The following LRP1 variants were observed in gnomAD, a reference collection of about 807,000 sequenced individuals.
The protein encoded by LRP1 is prolow-density lipoprotein receptor-related protein 1.
In LRP1, 51 loss-of-function variants were observed where a neutral mutation model predicts 541.5. The observed-to-expected ratio is 0.09, with a 90% CI of 0.08 to 0.12. LRP1 has a LOEUF of 0.12. LRP1 is among the 10% of genes least tolerant of loss of function. The pLI is 1.00. For missense variants in LRP1, 3,878 were observed against 6,376.2 expected, an observed-to-expected ratio of 0.61 and a Z score of 13.34; for synonymous variants, 2,219 against 2,470.8, an observed-to-expected ratio of 0.90 and a Z score of 3.02.
At position 57,181,174 on chromosome 12, in the gene LRP1, C is replaced by A. The variant is rs1302895521; in HGVS notation, c.5545C>A (p.Pro1849Thr). The change falls in exon 34 of 89, where the codon CCC becomes ACC. Residue 1849 changes from proline to threonine, a missense_variant. By Grantham distance (38) the Pro-to-Thr change is conservative (BLOSUM62 -1). This residue lies in a region of LRP1 where 394 missense variants were observed against 635.9 expected (regional missense o/e 0.62). Coordinates refer to ENST00000243077, the MANE Select transcript of LRP1 (RefSeq NM_002332.3). ...SIQLDHKGTNPCSVNNGDCSQ... is the reference protein window; with the variant it reads ...SIQLDHKGTNTCSVNNGDCSQ... ...GCCCCCAGACCATAAGGGCACCAAC[C>A]CCTGCAGTGTCAACAACGGTGACTG... is the stretch of plus-strand genomic sequence containing the variant. 2.5e-6 allele frequency: 4 copies of A among 1,613,664 alleles called. No individual in the cohort carries two copies. The South Asian group carries it at 4.4e-5, about 18-fold the overall frequency.
intron 58 of LRP1, 79 bp from the exon 59 acceptor site, chr12:57,198,077 G>A (rs2036573960): frequency 1.6e-6 from 2 of 1,271,178 alleles, no homozygotes; most frequent in Non-Finnish European, 2.2e-6. Flanking sequence ...TTTACACGAG[G>A]GGAGGCTGAG....
chr12:57,130,929 A>T (rs1165377712), intron 1 of LRP1, among the ~76,000 whole-genome samples: 1 of 152,016 alleles, frequency 6.6e-6, no homozygotes, highest in South Asian at 2.1e-4. Flanking sequence ...ACACACACCA[A>T]TATTTCTGCC....
In LRP1 at chr12:57,177,013, T is replaced by C. The variant is rs781644337; in HGVS notation, c.3992-28T>C. On this transcript the variant is annotated intron_variant, in intron 24 of 88. Coordinates refer to ENST00000243077, the MANE Select transcript of LRP1 (RefSeq NM_002332.3). This position sits in a 1 kb window ranked among gnomAD's most constrained non-coding sequence, Gnocchi z 6.8. Reference sequence around the variant, plus strand: ...TCATGCACAGCTCCCCAGGAGACGCTAACCTTTCACTGCCCTCTCTTCTCC... The same window carrying C: ...TCATGCACAGCTCCCCAGGAGACGCCAACCTTTCACTGCCCTCTCTTCTCC... 1 of 1,600,314 alleles carries C rather than the reference T, an allele frequency of 6.2e-7. No individual in the cohort carries two copies. Among genetic ancestry groups the C allele is most frequent in the Non-Finnish European group, 8.6e-7 (1 of 1,168,740 alleles).
At position 57,197,133 on chromosome 12, in the gene LRP1, G is replaced by T. The variant is rs777852140; in HGVS notation, c.9044G>T (p.Gly3015Val). 1.9e-6 allele frequency: 3 copies of T among 1,613,914 alleles called. No individual in the cohort carries two copies. The African/African-American group carries it at 4.0e-5, about 22-fold the overall frequency. Residue 3015 changes from glycine (G) to valine (V), a missense_variant, in exon 56 of 89, where the codon GGC becomes GTC. Physicochemically the swap from Gly to Val is moderately radical, Grantham distance 109. This residue lies in a region of LRP1 where 1,100 missense variants were observed against 1,827.4 expected (regional missense o/e 0.60). Transcript: ENST00000243077. The surrounding 1 kb of genome is among the most constrained non-coding windows in gnomAD (Gnocchi z 4.5). ...CLCVEGYAPR[G>V]GDPHSCKAVT... ...TGTGTGGAGGGCTATGCACCCCGCGGCGGCGACCCCCACAGCTGCAAGGCT... is the reference window on the plus strand; with the variant it reads ...TGTGTGGAGGGCTATGCACCCCGCGTCGGCGACCCCCACAGCTGCAAGGCT...
chr12:57,166,101 T>C lies in LRP1; in HGVS notation c.2689T>C (p.Ser897Pro). The C allele has an allele frequency of 6.2e-7, 1 of 1,614,154 alleles. No individual in the cohort carries two copies. Among genetic ancestry groups the C allele is most frequent in the Non-Finnish European group, 8.5e-7 (1 of 1,180,034 alleles). Residue 897 changes from serine (S) to proline (P), a missense_variant, in exon 17 of 89, where the codon TCG becomes CCG. By Grantham distance (74) the Ser-to-Pro change is moderately conservative. Transcript: ENST00000243077. ...PALCHQHTCP[S>P]DRFKCENNRC... Reference sequence around the variant, plus strand: ...CTCCCCAGATCAGCACACCTGCCCCTCGGACCGATTCAAGTGCGAGAACAA... The same window carrying C: ...CTCCCCAGATCAGCACACCTGCCCCCCGGACCGATTCAAGTGCGAGAACAA...
rs535629676 is a variant in LRP1 at position 57,187,143 on chromosome 12, A to G, written c.6842-124A>G. On this transcript the variant is annotated intron_variant, in intron 41 of 88. Transcript: ENST00000243077. ...GAGCCCTCTCTGCTGCACCTCTTGC[A>G]CTCCCATACCCCACACTTCGCCTTC... 30 of 927,684 alleles carry G rather than the reference A, an allele frequency of 3.2e-5. No homozygotes were observed. The African/African-American group carries it at 4.3e-4, about 13-fold the overall frequency. The allele number at this position is 927,684 out of a possible 1,614,324, so 57.5% of individuals were successfully genotyped here.
chr12:57,149,607 G>C (rs953163721), intron 6 of LRP1: 17 of 703,864 alleles, frequency 2.4e-5, no homozygotes, highest in Admixed American at 6.0e-5. Flanking sequence ...TGGGATCTAG[G>C]TCGAAATGCC....
intron 1 of LRP1, among the ~76,000 whole-genome samples, chr12:57,136,269 C>T (rs1305242603): frequency 6.6e-6 from 1 of 152,132 alleles, no homozygotes; most frequent in African/African-American, 2.4e-5. Flanking sequence ...CTAGGCCATC[C>T]TTGATGTGTT....
In LRP1 at chr12:57,207,963, G is replaced by T. The variant is rs904105261; in HGVS notation, c.11860-75G>T. ...TGAGCCTGGGGTGACGTTCCAGCAGGCTGGCAGAGTGGTGGCGGGGGGATA... is the reference window on the plus strand; with the variant it reads ...TGAGCCTGGGGTGACGTTCCAGCAGTCTGGCAGAGTGGTGGCGGGGGGATA... On this transcript the variant is annotated intron_variant, in intron 76 of 88. Transcript: ENST00000243077. 7 of 1,534,312 alleles carry T rather than the reference G, an allele frequency of 4.6e-6. No homozygotes were observed. In the African/African-American group the frequency reaches 8.2e-5, roughly 18 times the overall value.
At chr12:57,149,285 C>A in intron 6 of LRP1, 1 of 440,488 alleles carries the variant, frequency 2.3e-6, no homozygotes, top group Non-Finnish European at 4.0e-6. Context: ...CCTTAGGCCC[C>A]CTGCATCCTG....
At chr12:57,176,863 C>CAAAA (rs375688316) in intron 24 of LRP1, among the ~76,000 whole-genome samples, 178 bp from the exon 25 acceptor site, 1 of 128,704 alleles carries the variant, frequency 7.8e-6, no homozygotes, top group Non-Finnish European at 1.7e-5. Context: ...GACCCTGTCT[C>CAAAA]AAAAAAAAAA....
chr12:57,167,429 C>CT lies in LRP1; in HGVS notation c.2915-12dup, dbSNP rs766904379. 6.2e-7 allele frequency: 1 copy of CT among 1,605,150 alleles called. No homozygotes were observed. The highest frequency in any genetic ancestry group is 1.7e-5 in the Admixed American group (1 of 60,004). On this transcript the variant is annotated splice_polypyrimidine_tract_variant and intron_variant, in intron 18 of 88. Coordinates refer to ENST00000243077, the MANE Select transcript of LRP1 (RefSeq NM_002332.3). ...ATCGTGAAGGCCCTACTCAGCTACT[C>CT]TTTCTTCCTCACAGCCTATCCCACC...
chr12:57,154,755 T>C lies in LRP1; in HGVS notation c.1227+54T>C, dbSNP rs1337750608. 12 of 1,487,982 alleles carry C rather than the reference T, an allele frequency of 8.1e-6. No homozygotes were observed. The highest frequency in any genetic ancestry group is 1.1e-5 in the Non-Finnish European group (12 of 1,090,220). 92.2% of individuals were successfully genotyped at this position (1,487,982 alleles called of 1,614,324 possible). ...GGGGGAACCATGATCCAGGGCCTTC[T>C]GGTGAGGGGGGAAGCCTCTGTAGGG... On this transcript the variant is annotated intron_variant, in intron 8 of 88. Coordinates refer to ENST00000243077, the MANE Select transcript of LRP1 (RefSeq NM_002332.3). This position sits in a 1 kb window ranked among gnomAD's most constrained non-coding sequence, Gnocchi z 4.6.
chr12:57,211,668 AGT>A lies in LRP1; in HGVS notation c.13194-80_13194-79del. 1 of 1,552,996 alleles carries A rather than the reference AGT, an allele frequency of 6.4e-7. No homozygotes were observed. The highest frequency in any genetic ancestry group is 8.9e-7 in the Non-Finnish European group (1 of 1,126,284). On this transcript the variant is annotated intron_variant, in intron 85 of 88. Transcript: ENST00000243077. This position sits in a 1 kb window ranked among gnomAD's most constrained non-coding sequence, Gnocchi z 4.3. ...TTGAGCAGGAGGACCGTCAGGCCTC[AGT>A]GCCCACCCCCCGCCCTGTTTTCCTG...
At chr12:57,209,345 T>C (rs2036856674) in intron 79 of LRP1, 146 bp downstream of exon 79, 1 of 697,628 alleles carries the variant, frequency 1.4e-6, no homozygotes, top group Non-Finnish European at 2.4e-6. Context: ...CCTCTCCAGC[T>C]GGCCTCCCCC....
At chr12:57,208,378 TC>T in intron 77 of LRP1, 162 bp downstream of exon 77, 1 of 753,900 alleles carries the variant, frequency 1.3e-6, no homozygotes, top group Non-Finnish European at 2.1e-6. Context: ...TGCCTGGCCC[TC>T]CCCATGCTGC....
At chr12:57,129,062 C>G in intron 1 of LRP1, 31 bp downstream of exon 1, 2 of 1,549,368 alleles carry the variant, frequency 1.3e-6, no homozygotes, top group South Asian at 1.2e-5. Flanking sequence ...CCCTTGGACC[C>G]CTGGGGGCAC....
At chr12:57,151,105 C>T (rs2035517426) in intron 6 of LRP1, among the ~76,000 whole-genome samples, 1 of 152,248 alleles carries the variant, frequency 6.6e-6, no homozygotes, top group East Asian at 1.9e-4. Context: ...GACTAGAATC[C>T]TGCAGCTGAA....
intron 11 of LRP1, among the ~76,000 whole-genome samples, chr12:57,159,256 C>G (rs1035445384): frequency 6.6e-6 from 1 of 152,160 alleles, no homozygotes; most frequent in African/African-American, 2.4e-5. Context: ...TAACCTTTGC[C>G]CTGCACCCCA....
Sources: allele counts gnomAD v4.1 joint callset (sites outside exome capture counted in the v4.1 genomes callset), GRCh38; gene constraint gnomAD v4.1.1; regional missense constraint gnomAD v4.1.1; non-coding constraint Gnocchi (gnomAD v3.1); transcripts MANE v1.5; gene names NCBI Gene and HGNC (gene_info 2026-07-23, HGNC 2026-07-21).